RALB: variants seen among roughly 807,000 people sequenced by gnomAD.
The protein encoded by RALB is ras-related protein Ral-B.
In RALB, 16 loss-of-function variants were observed where a neutral mutation model predicts 21.3. The observed-to-expected ratio is 0.75, with a 90% CI of 0.51 to 1.14. The LOEUF (loss-of-function observed/expected upper bound fraction) is 1.14, where lower values mean the gene tolerates loss of function less well. Ranked by LOEUF, RALB falls within the 50% of genes most tolerant of loss-of-function variation. The pLI, the probability that RALB is intolerant of heterozygous loss-of-function variation, is 0.00. For missense variants in RALB, 161 were observed against 256.2 expected (o/e 0.63, Z 2.54); for synonymous variants, 93 against 96.1 (o/e 0.97, Z 0.19).
rs549242994 is a variant in RALB, at chr2:120,273,949, C to T, written c.-47-4669C>T. On this transcript the variant is annotated intron_variant, in intron 1 of 4. Coordinates refer to ENST00000272519, the MANE Select transcript of RALB (RefSeq NM_002881.3). Reference sequence around the variant, plus strand: ...TAAGCACAGATATTTTGGGAAGTATCGGGGTGTGTTGAATAGTTTTCAATT... The same window carrying T: ...TAAGCACAGATATTTTGGGAAGTATTGGGGTGTGTTGAATAGTTTTCAATT... Among the ~76,000 whole-genome samples the T allele has an allele frequency of 7.9e-5, 12 of 152,304 alleles. No homozygotes were observed. The South Asian group carries it at 1.9e-3, about 24-fold the overall frequency.
chr2:120,276,159 C>G (rs993404425), intron 1 of RALB, among the ~76,000 whole-genome samples: 1 of 152,242 alleles, frequency 6.6e-6, no homozygotes, highest in Non-Finnish European at 1.5e-5. Flanking sequence ...CATGGTGGAC[C>G]TGCCTGGCCC....
At chr2:120,280,759 T>G in intron 2 of RALB, 1 of 333,274 alleles carries the variant, frequency 3.0e-6, no homozygotes, top group Non-Finnish European at 5.8e-6. Context: ...AAGAACCTCT[T>G]CTAAGCTGTC....
chr2:120,259,352 C>T (rs947416336), intron 1 of RALB, among the ~76,000 whole-genome samples: 1 of 152,150 alleles, frequency 6.6e-6, no homozygotes, highest in Non-Finnish European at 1.5e-5. Context: ...GAGCTAGATA[C>T]AAAGGTTCTC....
intron 3 of RALB, among the ~76,000 whole-genome samples, chr2:120,287,838 A>G (rs573219285): frequency 4.6e-5 from 7 of 152,376 alleles, no homozygotes; most frequent in African/African-American, 1.4e-4. Flanking sequence ...ACCTCTGCGT[A>G]GGTTTCTCAT....
At chr2:120,252,796 G>T (rs907290108), upstream of RALB, 14 of 985,490 alleles carry the variant, frequency 1.4e-5, no homozygotes, top group African/African-American at 2.3e-4. Flanking sequence ...AAGCGAGGGC[G>T]CGCTCTCGAG....
intron 2 of RALB, 112 bp from the exon 3 acceptor site, chr2:120,285,762 T>C (rs1469898947): frequency 6.1e-6 from 5 of 822,860 alleles, no homozygotes; most frequent in Non-Finnish European, 7.8e-6. Flanking sequence ...AAAATGTTGC[T>C]TCTGTAGTGT....
At chr2:120,264,284 T>G (rs930538457) in intron 1 of RALB, among the ~76,000 whole-genome samples, 1 of 152,090 alleles carries the variant, frequency 6.6e-6, no homozygotes, top group African/African-American at 2.4e-5. Flanking sequence ...CTTGAATAGC[T>G]TGGATTACAG....
chr2:120,274,923 G>C (rs1296019271), intron 1 of RALB, among the ~76,000 whole-genome samples: 1 of 152,086 alleles, frequency 6.6e-6, no homozygotes, highest in Non-Finnish European at 1.5e-5. Context: ...CTTGTGTTTT[G>C]TGAGCTGGAA....
intron 1 of RALB, among the ~76,000 whole-genome samples, chr2:120,258,533 G>A (rs1689254842): frequency 6.6e-6 from 1 of 152,232 alleles, no homozygotes; most frequent in African/African-American, 2.4e-5. Flanking sequence ...CCTTTAAGGA[G>A]CGTTAAGCAC....
intron 1 of RALB, among the ~76,000 whole-genome samples, chr2:120,255,357 A>G (rs923557169): frequency 9.9e-5 from 15 of 152,114 alleles, no homozygotes; most frequent in Non-Finnish European, 7.3e-5. Context: ...CCTTCATCAC[A>G]TGGCGGAGTA....
At chr2:120,249,696 A>G (rs570445512), upstream of RALB, among the ~76,000 whole-genome samples, 47 of 152,338 alleles carry the variant, frequency 3.1e-4, no homozygotes, top group African/African-American at 9.4e-4. Context: ...CCCGCCTCCA[A>G]CAGTGGGGAT....
chr2:120,273,362 C>G (rs926992111), intron 1 of RALB, among the ~76,000 whole-genome samples: 2 of 152,144 alleles, frequency 1.3e-5, no homozygotes, highest in Non-Finnish European at 2.9e-5. Context: ...TGGGGTCAGT[C>G]TGAAAAACAT....
chr2:120,291,092 G>C (rs1305384219), intron 4 of RALB, among the ~76,000 whole-genome samples: 1 of 152,174 alleles, frequency 6.6e-6, no homozygotes, highest in African/African-American at 2.4e-5. Flanking sequence ...TTGAAGTGAT[G>C]CTAGAAGAAC....
chr2:120,252,803 C>T, upstream of RALB: 1 of 985,508 alleles, frequency 1.0e-6, no homozygotes, highest in Non-Finnish European at 1.2e-6. Flanking sequence ...GGCGCGCTCT[C>T]GAGAGGAGGG....
intron 2 of RALB, among the ~76,000 whole-genome samples, chr2:120,282,835 C>T (rs1690027455): frequency 6.6e-6 from 1 of 152,122 alleles, no homozygotes; most frequent in South Asian, 2.1e-4. Flanking sequence ...CTAATAGAAA[C>T]TTCCATGATG....
upstream of RALB, among the ~76,000 whole-genome samples, chr2:120,250,870 C>T (rs1558944210): frequency 6.6e-6 from 1 of 152,232 alleles, no homozygotes. Context: ...TGCCACTCCT[C>T]TCTGAATATA....
At position 120,289,645 on chromosome 2, in the gene RALB, C is replaced by G. The variant is rs750595222; in HGVS notation, c.389C>G (p.Ser130Cys). The G allele has an allele frequency of 6.2e-7, 1 of 1,614,134 alleles. No homozygotes were observed. The highest frequency in any genetic ancestry group is 1.7e-5 in the Admixed American group (1 of 60,008). ...CCACTGCTCGTCGTGGGAAACAAGT[C>G]TGACCTAGAGGAGCGGAGGCAGGTG... ...KIPLLVVGNK[S>C]DLEERRQVPV... is the part of the protein sequence containing the mutation. Residue 130 changes from serine to cysteine, a missense_variant, in exon 4 of 5, where the codon TCT becomes TGT. Transcript: ENST00000272519.
intron 3 of RALB, among the ~76,000 whole-genome samples, chr2:120,288,976 C>A (rs574895096): frequency 6.6e-6 from 1 of 152,172 alleles, no homozygotes. Context: ...ACAATATTCA[C>A]CTTTCCTACT....
chr2:120,272,761 C>T (rs929065460), intron 1 of RALB, among the ~76,000 whole-genome samples: 3 of 152,024 alleles, frequency 2.0e-5, no homozygotes, highest in African/African-American at 4.8e-5. Flanking sequence ...TTAGTTCATG[C>T]GATGTCCCTC....
Sources: allele counts gnomAD v4.1 joint callset (sites outside exome capture counted in the v4.1 genomes callset), GRCh38; gene constraint gnomAD v4.1.1; transcripts MANE v1.5; gene names NCBI Gene and HGNC (gene_info 2026-07-23, HGNC 2026-07-21).